The following MAP2K1 variants were observed in gnomAD, a reference collection of about 807,000 sequenced individuals.
MAP2K1 encodes mitogen-activated protein kinase kinase 1.
In MAP2K1, 16 loss-of-function variants were observed where a neutral mutation model predicts 46.3. That is an observed-to-expected ratio of 0.35 (90% CI 0.23 to 0.52). MAP2K1 has a LOEUF of 0.52. Ranked by LOEUF, MAP2K1 falls within the 20% of genes least tolerant of loss-of-function variation. MAP2K1 has a pLI of 0.94. For synonymous variants in MAP2K1, 183 were observed against 185.6 expected, an observed-to-expected ratio of 0.99 and a Z score of 0.11; for missense variants, 263 against 497.1, an observed-to-expected ratio of 0.53 and a Z score of 4.48.
In MAP2K1 at chr15:66,491,365, A is replaced by G. The variant is rs186510658; in HGVS notation, c.*750A>G. Reference sequence around the variant, plus strand: ...TTTTGAATGTCACAAATTGATCAAGATATTAAAATGTCGGATTTATCTTTC... The same window carrying G: ...TTTTGAATGTCACAAATTGATCAAGGTATTAAAATGTCGGATTTATCTTTC... On this transcript the variant is annotated 3_prime_UTR_variant, in exon 11 of 11. Coordinates refer to ENST00000307102, the MANE Select transcript of MAP2K1 (RefSeq NM_002755.4). The G allele has an allele frequency of 4.3e-6, 1 of 233,204 alleles. No individual in the cohort carries two copies. Among genetic ancestry groups the G allele is most frequent in the East Asian group, 6.2e-5 (1 of 16,224 alleles). 14.4% of individuals were successfully genotyped at this position (233,204 alleles called of 1,614,324 possible). A position where few individuals can be genotyped will look rare whatever the true frequency, so the allele number is the denominator to read the frequency against.
At position 66,436,773 on chromosome 15, in the gene MAP2K1, A is replaced by G. The variant is rs1567009717; in HGVS notation, c.319A>G (p.Ile107Val). The change falls in exon 3 of 11, where the codon ATC (isoleucine) becomes GTC (valine). Residue 107 changes from isoleucine (I) to valine (V), a missense_variant. Ile to Val is a conservative substitution (Grantham distance 29). Transcript: ENST00000307102. ...AATTCATCTGGAGATCAAACCCGCAATCCGGAACCAGATCATAAGGGAGCT... is the reference window on the plus strand; with the variant it reads ...AATTCATCTGGAGATCAAACCCGCAGTCCGGAACCAGATCATAAGGGAGCT... Reference protein sequence around the residue: ...KLIHLEIKPAIRNQIIRELQV... With the variant: ...KLIHLEIKPAVRNQIIRELQV... The G allele has an allele frequency of 3.1e-6, 5 of 1,614,078 alleles. No homozygotes were observed. Among genetic ancestry groups the G allele is most frequent in the Non-Finnish European group, 3.4e-6 (4 of 1,179,996 alleles).
At chr15:66,435,804 G>C (rs2093486531) in intron 2 of MAP2K1, among the ~76,000 whole-genome samples, 2 of 152,152 alleles carry the variant, frequency 1.3e-5, no homozygotes, top group Non-Finnish European at 1.5e-5. Flanking sequence ...ATCAAGTGCT[G>C]GAGAAGCTGC....
intron 1 of MAP2K1, among the ~76,000 whole-genome samples, chr15:66,415,349 T>C (rs1440837902): frequency 6.6e-6 from 1 of 152,150 alleles, no homozygotes; most frequent in Non-Finnish European, 1.5e-5. Context: ...GATTTAGAGG[T>C]TACCTCCAGA....
intron 5 of MAP2K1, among the ~76,000 whole-genome samples, chr15:66,460,591 C>T (rs1157924853): frequency 6.6e-6 from 1 of 152,160 alleles, no homozygotes; most frequent in Non-Finnish European, 1.5e-5. Flanking sequence ...AGGGTCTTCA[C>T]TGCCATGTTC....
At chr15:66,489,828 T>C in intron 10 of MAP2K1, 65 bp downstream of exon 10, 2 of 1,345,772 alleles carry the variant, frequency 1.5e-6, no homozygotes, top group Non-Finnish European at 2.1e-6. Flanking sequence ...CTGTCAGTCA[T>C]CTGTGCAGTA....
At chr15:66,469,415 C>T (rs1892553187) in intron 5 of MAP2K1, among the ~76,000 whole-genome samples, 1 of 144,468 alleles carries the variant, frequency 6.9e-6, no homozygotes, top group African/African-American at 2.6e-5. Flanking sequence ...TGTTTATACT[C>T]TTGGGGAGAC....
chr15:66,411,121 T>G (rs1049480279), intron 1 of MAP2K1, among the ~76,000 whole-genome samples: 4 of 152,076 alleles, frequency 2.6e-5, no homozygotes, highest in African/African-American at 9.7e-5. Flanking sequence ...CCTTTTTGAC[T>G]GATTAAGCAA....
At chr15:66,485,603 G>C (rs112228109) in intron 7 of MAP2K1, among the ~76,000 whole-genome samples, 9 of 150,186 alleles carry the variant, frequency 6.0e-5, no homozygotes, top group Non-Finnish European at 1.0e-4. Flanking sequence ...TGGGAGGGAA[G>C]GGGCTCACTC....
chr15:66,395,701 C>T (rs1205988943), intron 1 of MAP2K1, among the ~76,000 whole-genome samples: 5 of 151,872 alleles, frequency 3.3e-5, no homozygotes, highest in Non-Finnish European at 5.9e-5. Context: ...CTCAGCCTCC[C>T]GAGTAGCTGG....
rs150376632 is a variant in MAP2K1 at position 66,480,603 on chromosome 15, C to T, written c.569-1152C>T. ...AATAATAATAAATGCATTCATATAA[C>T]AGTATCGAAGAGAAAAATAATGAAA... On this transcript the variant is annotated intron_variant, in intron 5 of 10. Transcript: ENST00000307102. Among the ~76,000 whole-genome samples the T allele has an allele frequency of 2.7e-4, 41 of 152,178 alleles. 1 individual carries two copies. In the East Asian group the frequency reaches 7.5e-3, roughly 28 times the overall value.
At chr15:66,388,502 G>A (rs1485662168) in intron 1 of MAP2K1, among the ~76,000 whole-genome samples, 2 of 152,078 alleles carry the variant, frequency 1.3e-5, no homozygotes, top group African/African-American at 2.4e-5. Flanking sequence ...ATGCTCTTTG[G>A]TGATTTCTGT....
chr15:66,423,442 CT>C (rs35710848), intron 1 of MAP2K1, among the ~76,000 whole-genome samples: 40,290 of 139,014 alleles, frequency 0.29, 5,617 homozygotes, highest in Admixed American at 0.37. Flanking sequence ...TTTTTCTTTC[CT>C]TTTTTTTTTT....
At chr15:66,439,011 G>A (rs2093496472) in intron 3 of MAP2K1, among the ~76,000 whole-genome samples, 1 of 152,194 alleles carries the variant, frequency 6.6e-6, no homozygotes. Context: ...AAGCAGCTGT[G>A]GCCTGAAGAC....
chr15:66,420,865 ATATG>A lies in MAP2K1; in HGVS notation c.81-14160_81-14157del, dbSNP rs1445522968. On this transcript the variant is annotated intron_variant, in intron 1 of 10. Transcript: ENST00000307102. ...TGTGTGTATATATATGTGTGTATATATATGTGTGTATATATATGTGTATATATAC... is the reference window on the plus strand; with the variant it reads ...TGTGTGTATATATATGTGTGTATATATGTGTATATATATGTGTATATATAC... Among the ~76,000 whole-genome samples the A allele has an allele frequency of 1.5e-5, 2 of 134,496 alleles. 1 individual carries two copies. Among genetic ancestry groups the A allele is most frequent in the African/African-American group, 5.5e-5 (2 of 36,590 alleles). The allele number at this position is 134,496 out of a possible 152,430, so 88.2% of individuals were successfully genotyped here.
At chr15:66,435,798 A>G (rs180854748) in intron 2 of MAP2K1, among the ~76,000 whole-genome samples, 83 of 152,312 alleles carry the variant, frequency 5.4e-4, no homozygotes, top group Non-Finnish European at 9.7e-4. Flanking sequence ...TTACTTATCA[A>G]GTGCTGGAGA....
At chr15:66,408,236 T>A (rs2140533673) in intron 1 of MAP2K1, among the ~76,000 whole-genome samples, 1 of 152,376 alleles carries the variant, frequency 6.6e-6, no homozygotes. Context: ...AGAAAATTCT[T>A]ATTTCCCAAA....
chr15:66,478,321 ATAT>A (rs1892812215), intron 5 of MAP2K1, among the ~76,000 whole-genome samples: 1 of 146,568 alleles, frequency 6.8e-6, no homozygotes, highest in African/African-American at 2.5e-5. Context: ...TAGTATATAT[ATAT>A]GTTATATATA....
chr15:66,438,419 T>G (rs2093494641), intron 3 of MAP2K1, among the ~76,000 whole-genome samples: 1 of 152,200 alleles, frequency 6.6e-6, no homozygotes, highest in Admixed American at 6.5e-5. Flanking sequence ...TGACCTCTTT[T>G]GAGATACTAG....
At chr15:66,484,756 A>T (rs964846294) in intron 6 of MAP2K1, among the ~76,000 whole-genome samples, 2 of 152,198 alleles carry the variant, frequency 1.3e-5, no homozygotes, top group Non-Finnish European at 2.9e-5. Flanking sequence ...TGGTCTGTCA[A>T]TTTAGGCCAG....
Sources: allele counts gnomAD v4.1 joint callset (sites outside exome capture counted in the v4.1 genomes callset), GRCh38; gene constraint gnomAD v4.1.1; transcripts MANE v1.5; gene names NCBI Gene and HGNC (gene_info 2026-07-23, HGNC 2026-07-21).